The following SLAMF1 variants were observed in gnomAD, a reference collection of about 807,000 sequenced individuals.
SLAMF1 encodes signaling lymphocytic activation molecule.
Under a neutral mutation model 35.1 loss-of-function variants are expected in SLAMF1, and 18 were observed. That is an observed-to-expected ratio of 0.51 (90% CI 0.35 to 0.76). SLAMF1 has a LOEUF of 0.76. Among genes scored for constraint, SLAMF1 ranks in the 30% least tolerant of loss-of-function variants. SLAMF1 has a pLI of 0.01. For synonymous variants in SLAMF1, 168 were observed against 157.2 expected, an observed-to-expected ratio of 1.07 and a Z score of -0.51; for missense variants, 392 against 413.0, an observed-to-expected ratio of 0.95 and a Z score of 0.44.
rs766429986 is a variant in SLAMF1 at position 160,637,499 on chromosome 1, A to C, written c.107T>G (p.Leu36Arg). The C allele has an allele frequency of 2.5e-6, 4 of 1,612,232 alleles. No homozygotes were observed. In the South Asian group the frequency reaches 3.3e-5, roughly 13 times the overall value. The change falls in exon 2 of 7, where the codon CTC (leucine) becomes CGC (arginine). Residue 36 changes from leucine (L) to arginine (R), a missense_variant. Leu to Arg is a moderately radical substitution (Grantham distance 102). Transcript: ENST00000302035. ...GGRMMNCPKI[L>R]RQLGSKVLLP... ...CAGCACTTTGCTTCCCAACTGCCGG[A>C]GAATCTTTGGGCAGTTCATCATGCG...
intron 1 of SLAMF1, among the ~76,000 whole-genome samples, 180 bp downstream of exon 1, chr1:160,646,690 G>A (rs548493700): frequency 6.6e-6 from 1 of 152,264 alleles, no homozygotes; most frequent in East Asian, 1.9e-4. Context: ...GAAACCCAAG[G>A]GCCCAGGAAC....
At chr1:160,645,323 G>T (rs530824454) in intron 1 of SLAMF1, among the ~76,000 whole-genome samples, 1 of 152,326 alleles carries the variant, frequency 6.6e-6, no homozygotes, top group South Asian at 2.1e-4. Context: ...ACAAAAGGGT[G>T]TGTATTTAAA....
chr1:160,611,906 A>G (rs1260624664), intron 6 of SLAMF1, among the ~76,000 whole-genome samples: 1 of 152,066 alleles, frequency 6.6e-6, no homozygotes, highest in African/African-American at 2.4e-5. Context: ...CTTAAACTTG[A>G]GTGTGTATCA....
At chr1:160,644,526 G>A (rs1050452332) in intron 1 of SLAMF1, among the ~76,000 whole-genome samples, 3 of 152,200 alleles carry the variant, frequency 2.0e-5, no homozygotes, top group Admixed American at 2.0e-4. Flanking sequence ...TTTGTGGACA[G>A]GCTCTCAGTA....
In SLAMF1 at chr1:160,612,583, A is replaced by G. The variant is rs754477745; in HGVS notation, c.865-3T>C. 6.3e-7 allele frequency: 1 copy of G among 1,593,686 alleles called. No individual in the cohort carries two copies. The highest frequency in any genetic ancestry group is 8.6e-7 in the Non-Finnish European group (1 of 1,162,286). On this transcript the variant is annotated splice_region_variant and splice_polypyrimidine_tract_variant and intron_variant, in intron 5 of 6. Transcript: ENST00000302035. ...GAGTCAAGTTTCTTCTGAAGAGGCT[A>G]CAAGAGAAGCAAAGAAAGCAGATTA...
At chr1:160,645,800 T>C (rs184930337) in intron 1 of SLAMF1, among the ~76,000 whole-genome samples, 2 of 152,292 alleles carry the variant, frequency 1.3e-5, no homozygotes, top group South Asian at 4.1e-4. Flanking sequence ...CGTCTGGCTG[T>C]CTGGTAAAAG....
intron 5 of SLAMF1, among the ~76,000 whole-genome samples, chr1:160,618,239 A>G (rs1467127399): frequency 6.6e-6 from 1 of 152,240 alleles, no homozygotes; most frequent in Non-Finnish European, 1.5e-5. Context: ...GAATAGCCAA[A>G]AACTTTTGCA....
intron 5 of SLAMF1, among the ~76,000 whole-genome samples, chr1:160,615,408 G>T (rs1659242327): frequency 6.6e-6 from 1 of 152,012 alleles, no homozygotes; most frequent in African/African-American, 2.4e-5. Context: ...TTCTAGGGTA[G>T]CCACTAAAAA....
At chr1:160,646,708 G>A (rs562010415) in intron 1 of SLAMF1, among the ~76,000 whole-genome samples, 162 bp downstream of exon 1, 1 of 152,268 alleles carries the variant, frequency 6.6e-6, no homozygotes, top group East Asian at 1.9e-4. Flanking sequence ...AACTTATAAT[G>A]TTCCTTCCTC....
Position 160,608,486 on chromosome 1 carries a change from AG to A in SLAMF1, c.*2261del, listed in dbSNP as rs1249088481. 1 of 152,286 alleles carries A rather than the reference AG, an allele frequency of 6.6e-6. No individual in the cohort carries two copies. Among genetic ancestry groups the A allele is most frequent in the Non-Finnish European group, 1.5e-5 (1 of 68,074 alleles). 9.4% of individuals were successfully genotyped at this position (152,286 alleles called of 1,614,324 possible). A position where few individuals can be genotyped will look rare whatever the true frequency, so the allele number is the denominator to read the frequency against. On this transcript the variant is annotated 3_prime_UTR_variant, in exon 7 of 7. Coordinates refer to ENST00000302035, the MANE Select transcript of SLAMF1 (RefSeq NM_003037.5). ...ACTAGAGAGTTGTGAATGTATCACCAGAAGGGGTTGTTTTACCACGTGTAAC... is the reference window on the plus strand; with the variant it reads ...ACTAGAGAGTTGTGAATGTATCACCAAAGGGGTTGTTTTACCACGTGTAAC...
At chr1:160,614,889 T>C (rs1224800682) in intron 5 of SLAMF1, among the ~76,000 whole-genome samples, 1 of 152,154 alleles carries the variant, frequency 6.6e-6, no homozygotes, top group African/African-American at 2.4e-5. Flanking sequence ...GGACCACTGA[T>C]TTGTACATCT....
chr1:160,634,586 C>A, intron 3 of SLAMF1, 27 bp downstream of exon 3: 1 of 1,565,930 alleles, frequency 6.4e-7, no homozygotes, highest in South Asian at 1.2e-5. Context: ...ATTAAGGTGG[C>A]ACACAGGCTG....
chr1:160,624,204 C>A lies in SLAMF1; in HGVS notation c.701-19G>T. ...TTTGTTTCTGGAAAAAAAAAGAAGT[C>A]AAAGAGCAATCTCAAAAGTATTCTG... On this transcript the variant is annotated intron_variant, in intron 3 of 6. Coordinates refer to ENST00000302035, the MANE Select transcript of SLAMF1 (RefSeq NM_003037.5). 6.4e-7 allele frequency: 1 copy of A among 1,550,878 alleles called. No homozygotes were observed. The highest frequency in any genetic ancestry group is 1.1e-5 in the South Asian group (1 of 87,964).
In SLAMF1 at chr1:160,610,609, C is replaced by T. The variant is rs953736137; in HGVS notation, c.*139G>A. 1 of 673,092 alleles carries T rather than the reference C, an allele frequency of 1.5e-6. No homozygotes were observed. Among genetic ancestry groups the T allele is most frequent in the African/African-American group, 1.8e-5 (1 of 55,692 alleles). 41.7% of individuals were successfully genotyped at this position (673,092 alleles called of 1,614,324 possible). ...ATTTCACAGATGTATGTGGAAGAAA[C>T]ATCACCAGGGAGTTGATCTGAGAAG... On this transcript the variant is annotated 3_prime_UTR_variant, in exon 7 of 7. Coordinates refer to ENST00000302035, the MANE Select transcript of SLAMF1 (RefSeq NM_003037.5).
At chr1:160,638,019 G>C (rs911916586) in intron 1 of SLAMF1, among the ~76,000 whole-genome samples, 1 of 152,130 alleles carries the variant, frequency 6.6e-6, no homozygotes, top group African/African-American at 2.4e-5. Context: ...TGAGGAATGT[G>C]GAGTCAGGAA....
Position 160,619,850 on chromosome 1 carries a change from C to T in SLAMF1, c.791-1G>A, listed in dbSNP as rs1659511042. ...GTTGTCTGGTAATGGTTCGTTTTAC[C>T]TGGTGAAAAGAAACCATAATGGTTA... is the stretch of plus-strand genomic sequence containing the variant. On this transcript the variant is annotated splice_acceptor_variant, in intron 4 of 6. Coordinates refer to ENST00000302035, the MANE Select transcript of SLAMF1 (RefSeq NM_003037.5). LOFTEE classifies it high-confidence loss of function. 1.2e-6 allele frequency: 2 copies of T among 1,607,850 alleles called. No individual in the cohort carries two copies. Among genetic ancestry groups the T allele is most frequent in the Non-Finnish European group, 1.7e-6 (2 of 1,174,454 alleles).
At chr1:160,640,001 A>G (rs1172915449) in intron 1 of SLAMF1, among the ~76,000 whole-genome samples, 1 of 151,980 alleles carries the variant, frequency 6.6e-6, no homozygotes, top group African/African-American at 2.4e-5. Context: ...CTTTCACTTT[A>G]TTTTAGGTAT....
At chr1:160,631,903 G>A (rs1416497392) in intron 3 of SLAMF1, among the ~76,000 whole-genome samples, 1 of 152,034 alleles carries the variant, frequency 6.6e-6, no homozygotes, top group African/African-American at 2.4e-5. Flanking sequence ...TGAGACAGGT[G>A]GGCCCTAATC....
At chr1:160,630,697 T>C (rs1329429336) in intron 3 of SLAMF1, among the ~76,000 whole-genome samples, 1 of 152,182 alleles carries the variant, frequency 6.6e-6, no homozygotes, top group Non-Finnish European at 1.5e-5. Context: ...GGTTTCTCTT[T>C]CTTCCCCACT....
Sources: allele counts gnomAD v4.1 joint callset (sites outside exome capture counted in the v4.1 genomes callset), GRCh38; gene constraint gnomAD v4.1.1; transcripts MANE v1.5; gene names NCBI Gene and HGNC (gene_info 2026-07-23, HGNC 2026-07-21).